Variants in CACNA1A observed in about 807,000 individuals in gnomAD.
The protein encoded by CACNA1A is calcium voltage-gated channel subunit alpha1 A, also known as voltage-dependent P/Q-type calcium channel subunit alpha-1A.
CACNA1A carries 57 observed loss-of-function variants against 262.4 expected under a neutral mutation model. The observed-to-expected ratio is 0.22, with a 90% CI of 0.18 to 0.27. The LOEUF (loss-of-function observed/expected upper bound fraction) is 0.27, where lower values mean the gene tolerates loss of function less well. Ranked by LOEUF, CACNA1A falls within the 10% of genes least tolerant of loss-of-function variation. The pLI is 1.00. For missense variants in CACNA1A, 2,526 were observed against 3,562.8 expected, an observed-to-expected ratio of 0.71 and a Z score of 7.41; for synonymous variants, 1,431 against 1,419.3, an observed-to-expected ratio of 1.01 and a Z score of -0.18.
In CACNA1A at chr19:13,224,749, G is replaced by C. The variant is rs61741139; in HGVS notation, c.5649C>G (p.Pro1883=). 118 of 1,609,700 alleles carry C rather than the reference G, an allele frequency of 7.3e-5. No individual in the cohort carries two copies. In the African/African-American group the frequency reaches 1.5e-3, roughly 20 times the overall value. The part of the protein sequence containing the change: ...AYKRLLRMDL[P]VADDNTVHFN... Reference sequence around the variant, plus strand: ...AGTGGACGGTGTTGTCATCTGCGACGGGCAGGTCCATCCGCAGAAGCCGCT... The same window carrying C: ...AGTGGACGGTGTTGTCATCTGCGACCGGCAGGTCCATCCGCAGAAGCCGCT... Residue 1883 remains proline (P), a synonymous_variant, in exon 38 of 47, where the codon CCC becomes CCG. Transcript: ENST00000360228.
intron 38 of CACNA1A, chr19:13,215,274 G>T (rs1370905397): frequency 1.3e-5 from 2 of 149,098 alleles, no homozygotes; most frequent in African/African-American, 4.9e-5. Flanking sequence ...GCCTCCCAAA[G>T]TGCTGGGATT....
intron 18 of CACNA1A, among the ~76,000 whole-genome samples, chr19:13,300,089 G>C (rs2057757935): frequency 6.6e-6 from 1 of 152,088 alleles, no homozygotes; most frequent in South Asian, 2.1e-4. Context: ...TTCCTAATAG[G>C]CCTCGGCCTG....
At chr19:13,269,169 G>A (rs1464871673) in intron 24 of CACNA1A, among the ~76,000 whole-genome samples, 1 of 152,064 alleles carries the variant, frequency 6.6e-6, no homozygotes, top group East Asian at 1.9e-4. Context: ...GCTTCTTTAC[G>A]GATGATTGAG....
At chr19:13,436,542 TTCAC>T (rs1193495851) in intron 3 of CACNA1A, among the ~76,000 whole-genome samples, 13 of 150,608 alleles carry the variant, frequency 8.6e-5, no homozygotes, top group Non-Finnish European at 1.6e-4. Context: ...CACTCATTCA[TTCAC>T]TCATTCATTC....
rs971568471 is a variant in CACNA1A, at chr19:13,236,909, G to A, written c.4951-1179C>T. Among the ~76,000 whole-genome samples the A allele has an allele frequency of 6.6e-6, 1 of 152,120 alleles. No individual in the cohort carries two copies. Among genetic ancestry groups the A allele is most frequent in the Non-Finnish European group, 1.5e-5 (1 of 68,016 alleles). On this transcript the variant is annotated intron_variant, in intron 31 of 46. Coordinates refer to ENST00000360228, the MANE Select transcript of CACNA1A (RefSeq NM_001127222.2). This position sits in a 1 kb window ranked among gnomAD's most constrained non-coding sequence, Gnocchi z 4.6. The stretch of plus-strand genomic sequence containing the variant: ...TCAAGGGACCTTGGTGGGGGGGGTG[G>A]GACTCTCGAAGTCACGAGTGGGCCA...
intron 3 of CACNA1A, among the ~76,000 whole-genome samples, chr19:13,421,396 T>C (rs2060313263): frequency 6.6e-6 from 1 of 152,136 alleles, no homozygotes; most frequent in African/African-American, 2.4e-5. Flanking sequence ...GGTAGGGCCC[T>C]GCTCTCATGG....
chr19:13,387,551 C>T (rs75255328), intron 3 of CACNA1A, among the ~76,000 whole-genome samples: 6 of 152,172 alleles, frequency 3.9e-5, no homozygotes, highest in Non-Finnish European at 8.8e-5. Flanking sequence ...ACTCACCTTC[C>T]CCACTGGGAC....
At chr19:13,242,148 T>G (rs975868662) in intron 31 of CACNA1A, among the ~76,000 whole-genome samples, 3 of 152,130 alleles carry the variant, frequency 2.0e-5, no homozygotes, top group African/African-American at 7.2e-5. Context: ...TCCCTCAAAT[T>G]GACTGTAACT....
intron 23 of CACNA1A, among the ~76,000 whole-genome samples, chr19:13,276,645 T>C (rs2057154926): frequency 6.6e-6 from 1 of 150,534 alleles, no homozygotes; most frequent in Non-Finnish European, 1.5e-5. Flanking sequence ...GGGAGACTCA[T>C]CCTCTCAAGG....
Position 13,391,390 on chromosome 19 carries a change from G to A in CACNA1A, c.540-19611C>T, listed in dbSNP as rs549160351. Among the ~76,000 whole-genome samples, 6 of 152,240 alleles carry A rather than the reference G, an allele frequency of 3.9e-5. No homozygotes were observed. In the South Asian group the frequency reaches 1.2e-3, roughly 32 times the overall value. On this transcript the variant is annotated intron_variant, in intron 3 of 46. Transcript: ENST00000360228. ...CCCAAGCTCCTTAACCTTCTACATGGAGAGCAATTCTTCATTTTATTTGTC... is the reference window on the plus strand; with the variant it reads ...CCCAAGCTCCTTAACCTTCTACATGAAGAGCAATTCTTCATTTTATTTGTC...
At chr19:13,358,889 A>G (rs1370797516) in intron 6 of CACNA1A, among the ~76,000 whole-genome samples, 1 of 152,162 alleles carries the variant, frequency 6.6e-6, no homozygotes, top group African/African-American at 2.4e-5. Context: ...GTGTGGGGAG[A>G]GCCAGCCCTG....
intron 1 of CACNA1A, among the ~76,000 whole-genome samples, chr19:13,478,338 T>A (rs1434814288): frequency 6.6e-6 from 1 of 152,146 alleles, no homozygotes; most frequent in East Asian, 1.9e-4. Context: ...CTGTCATTTT[T>A]ACAGACAGGG....
chr19:13,245,723 G>A (rs2056216359), intron 30 of CACNA1A: 1 of 153,832 alleles, frequency 6.5e-6, no homozygotes, highest in South Asian at 1.9e-4. Flanking sequence ...CCAGGCTGGA[G>A]TGCAGTGGCA....
intron 37 of CACNA1A, 175 bp downstream of exon 37, chr19:13,227,256 T>G: frequency 2.6e-6 from 1 of 387,266 alleles, no homozygotes; most frequent in Non-Finnish European, 4.7e-6. Flanking sequence ...AATCAAGGGA[T>G]GGTCATGATC....
rs1568547458 is a variant in CACNA1A, at chr19:13,336,599, GAGAGAGAGAGAGAGAGA to G, written c.979-707_979-691del. On this transcript the variant is annotated intron_variant, in intron 6 of 46. Transcript: ENST00000360228. Reference sequence around the variant, plus strand: ...AGAGAGACAGAGAGAGAGAGGGAGAGAGAGAGAGAGAGAGAGAGAGAGAGAGAGAGAGAGAGAGAGAA... The same window carrying G: ...AGAGAGACAGAGAGAGAGAGGGAGAGGAGAGAGAGAGAGAGAGAGAGAGAA... Among the ~76,000 whole-genome samples, 3,377 of 121,652 alleles carry G rather than the reference GAGAGAGAGAGAGAGAGA, an allele frequency of 0.028. 317 individuals carry two copies. In the East Asian group the frequency reaches 0.36, roughly 13 times the overall value. The allele number at this position is 121,652 out of a possible 152,430, so 79.8% of individuals were successfully genotyped here. A position where few individuals can be genotyped will look rare whatever the true frequency, so the allele number is the denominator to read the frequency against.
At chr19:13,318,084 AC>A (rs1216973030) in intron 10 of CACNA1A, among the ~76,000 whole-genome samples, 12 of 152,332 alleles carry the variant, frequency 7.9e-5, no homozygotes, top group African/African-American at 2.9e-4. Flanking sequence ...GGAGTTTGAC[AC>A]CAGCCTGGGC....
At chr19:13,455,033 C>A (rs2060981741) in intron 2 of CACNA1A, 74 bp downstream of exon 2, 2 of 845,922 alleles carry the variant, frequency 2.4e-6, no homozygotes, top group Admixed American at 3.6e-5. Context: ...CTCCTCTGTG[C>A]CCTGCTCCAC....
At chr19:13,335,286 C>G (rs562169657) in intron 7 of CACNA1A, among the ~76,000 whole-genome samples, 1 of 152,034 alleles carries the variant, frequency 6.6e-6, no homozygotes, top group South Asian at 2.1e-4. Context: ...ATCCGGAGGG[C>G]GTGAGGCAGC....
chr19:13,249,113 G>A (rs963264334), intron 30 of CACNA1A, among the ~76,000 whole-genome samples: 2 of 152,068 alleles, frequency 1.3e-5, no homozygotes, highest in Non-Finnish European at 1.5e-5. Flanking sequence ...CAACAGTCAT[G>A]TGCCACTATG....
Sources: allele counts gnomAD v4.1 joint callset (sites outside exome capture counted in the v4.1 genomes callset), GRCh38; gene constraint gnomAD v4.1.1; non-coding constraint Gnocchi (gnomAD v3.1); transcripts MANE v1.5; gene names NCBI Gene and HGNC (gene_info 2026-07-23, HGNC 2026-07-21).